JKAMP: variants seen among roughly 807,000 people sequenced by gnomAD.
JKAMP encodes the protein JNK1/MAPK8 associated membrane protein.
JKAMP carries 20 observed loss-of-function variants against 40.2 expected under a neutral mutation model. The observed-to-expected ratio is 0.50, with a 90% confidence interval of 0.35 to 0.72. The LOEUF is 0.72. Ranked by LOEUF, JKAMP falls within the 30% of genes least tolerant of loss-of-function variation. The pLI is 0.01. For synonymous variants in JKAMP, 138 were observed against 131.6 expected (o/e 1.05, Z -0.33); for missense variants, 276 against 373.0 (o/e 0.74, Z 2.14).
In JKAMP at chr14:59,486,717, C is replaced by G. The variant is rs1259546422; in HGVS notation, c.9C>G (p.Val3=). The change falls in exon 2 of 7, where the codon GTC becomes GTG. Residue 3 remains valine, a synonymous_variant. Transcript: ENST00000616435. ...CTGGCATTTGTTTTTAAAAAGCTGT[C>G]GATATTCAACCAGCATGCCTTGGAC... MA[V]DIQPACLGLY... The G allele has an allele frequency of 6.3e-7, 1 of 1,580,090 alleles. No individual in the cohort carries two copies. The highest frequency in any genetic ancestry group is 1.2e-5 in the South Asian group (1 of 86,100).
rs1892265127 is a variant in JKAMP, at chr14:59,505,232, C to G, written c.*1160C>G. ...TCTTTTGAATTCACAGCAGTTGTATCCTTGAGTTACTTTGTTAATGTATTT... is the reference window on the plus strand; with the variant it reads ...TCTTTTGAATTCACAGCAGTTGTATGCTTGAGTTACTTTGTTAATGTATTT... On this transcript the variant is annotated 3_prime_UTR_variant, in exon 7 of 7. Transcript: ENST00000616435. The G allele has an allele frequency of 4.9e-6, 7 of 1,438,356 alleles. No homozygotes were observed. The African/African-American group carries it at 5.7e-5, about 12-fold the overall frequency. 89.1% of individuals were successfully genotyped at this position (1,438,356 alleles called of 1,614,324 possible).
At chr14:59,486,127 G>A (rs1414811232) in intron 1 of JKAMP, among the ~76,000 whole-genome samples, 1 of 152,140 alleles carries the variant, frequency 6.6e-6, no homozygotes, top group African/African-American at 2.4e-5. Flanking sequence ...TTGGCCCAGT[G>A]ACAGCCTTGA....
Position 59,484,953 on chromosome 14 carries a change from C to G in JKAMP, c.4+360C>G, listed in dbSNP as rs1367296058. The G allele has an allele frequency of 1.8e-5, 27 of 1,513,308 alleles. 1 individual carries two copies. The East Asian group carries it at 6.2e-4, about 35-fold the overall frequency. The allele number at this position is 1,513,308 out of a possible 1,614,324, so 93.7% of individuals were successfully genotyped here. A position where few individuals can be genotyped will look rare whatever the true frequency, so the allele number is the denominator to read the frequency against. On this transcript the variant is annotated intron_variant, in intron 1 of 6. Transcript: ENST00000616435. ...AAAACAGTAAAGCAGAAGCAAGTTGCTGCATAATTTGTCTACTGCTTCAAC... is the reference window on the plus strand; with the variant it reads ...AAAACAGTAAAGCAGAAGCAAGTTGGTGCATAATTTGTCTACTGCTTCAAC...
At chr14:59,503,797 G>T (rs1374504373) in intron 6 of JKAMP, 57 bp from the exon 7 acceptor site, 1 of 1,023,584 alleles carries the variant, frequency 9.8e-7, no homozygotes, top group Non-Finnish European at 1.5e-6. Context: ...AAATTACCCA[G>T]CTGACTTAGC....
chr14:59,492,797 A>AT (rs61117183), intron 3 of JKAMP, among the ~76,000 whole-genome samples: 5,856 of 131,962 alleles, frequency 0.044, 177 homozygotes, highest in Non-Finnish European at 0.064. Flanking sequence ...GAGAGCTGCT[A>AT]TTTTTTTTTT....
At chr14:59,502,992 C>T (rs1028331819) in intron 6 of JKAMP, among the ~76,000 whole-genome samples, 1 of 151,810 alleles carries the variant, frequency 6.6e-6, no homozygotes, top group Non-Finnish European at 1.5e-5. Flanking sequence ...TCATAACCCA[C>T]CCACCTCGGC....
At chr14:59,499,150 A>C (rs990122651) in intron 5 of JKAMP, among the ~76,000 whole-genome samples, 3 of 149,184 alleles carry the variant, frequency 2.0e-5, no homozygotes, top group African/African-American at 7.5e-5. Flanking sequence ...CAGCCTCCCA[A>C]GTAGCTGGGA....
intron 3 of JKAMP, among the ~76,000 whole-genome samples, chr14:59,494,495 CT>C (rs1891285065): frequency 6.6e-6 from 1 of 152,120 alleles, no homozygotes; most frequent in South Asian, 2.1e-4. Flanking sequence ...ATAAGCAAAA[CT>C]AACCAGAATA....
intron 3 of JKAMP, among the ~76,000 whole-genome samples, chr14:59,493,223 C>T (rs1469072611): frequency 6.6e-6 from 1 of 152,182 alleles, no homozygotes; most frequent in Non-Finnish European, 1.5e-5. Context: ...CACCTGCATG[C>T]ATCATAATTA....
In JKAMP at chr14:59,484,772, C is replaced by T. The variant is rs188578431; in HGVS notation, c.4+179C>T. ...TCCTGCGGGGTTGGGGTGGTCTGTC[C>T]GCAACGGGCTACTAGGGGAGGCGCG... On this transcript the variant is annotated intron_variant, in intron 1 of 6. Coordinates refer to ENST00000616435, the MANE Select transcript of JKAMP (RefSeq NM_016475.5). 1.3e-3 allele frequency: 1,278 copies of T among 947,038 alleles called. 13 individuals carry two copies. The African/African-American group carries it at 0.016, about 12-fold the overall frequency. 58.7% of individuals were successfully genotyped at this position (947,038 alleles called of 1,614,324 possible). A position where few individuals can be genotyped will look rare whatever the true frequency, so the allele number is the denominator to read the frequency against.
intron 4 of JKAMP, among the ~76,000 whole-genome samples, chr14:59,496,886 G>A (rs1489748181): frequency 1.3e-5 from 2 of 152,038 alleles, no homozygotes; most frequent in South Asian, 2.1e-4. Flanking sequence ...GTATCTTATA[G>A]CATTGGGTTT....
At chr14:59,500,447 G>A (rs1891790470) in intron 5 of JKAMP, among the ~76,000 whole-genome samples, 1 of 152,138 alleles carries the variant, frequency 6.6e-6, no homozygotes, top group Non-Finnish European at 1.5e-5. Context: ...AACATTTTAA[G>A]AGAAAAGTGG....
At chr14:59,486,851 C>A in intron 2 of JKAMP, 47 bp downstream of exon 2, 1 of 1,245,288 alleles carries the variant, frequency 8.0e-7, no homozygotes, top group Non-Finnish European at 1.1e-6. Flanking sequence ...AATCTATTTG[C>A]TTTTGAAATA....
At chr14:59,494,257 C>A (rs1200970396) in intron 3 of JKAMP, among the ~76,000 whole-genome samples, 3 of 151,770 alleles carry the variant, frequency 2.0e-5, no homozygotes, top group African/African-American at 7.3e-5. Context: ...AAAGGCTTCA[C>A]AAAGAAAGTG....
chr14:59,487,723 G>A lies in JKAMP; in HGVS notation c.146G>A (p.Cys49Tyr). 1 of 1,613,316 alleles carries A rather than the reference G, an allele frequency of 6.2e-7. No homozygotes were observed. The highest frequency in any genetic ancestry group is 1.1e-5 in the South Asian group (1 of 91,072). Residue 49 changes from cysteine to tyrosine, a missense_variant, in exon 3 of 7, where the codon TGC becomes TAC. By Grantham distance (194) the Cys-to-Tyr change is radical. Transcript: ENST00000616435. ...RTNAQKYCQP[C>Y]TESPELYDWL... Reference sequence around the variant, plus strand: ...AATGCACAGAAATATTGTCAGCCTTGCACAGAATCTCCTGAACTTTATGAT... The same window carrying A: ...AATGCACAGAAATATTGTCAGCCTTACACAGAATCTCCTGAACTTTATGAT...
chr14:59,487,329 T>G (rs951929538), intron 2 of JKAMP: 1 of 163,086 alleles, frequency 6.1e-6, no homozygotes, highest in African/African-American at 2.4e-5. Context: ...AATTTCTAAT[T>G]TATGATTTGG....
intron 4 of JKAMP, among the ~76,000 whole-genome samples, chr14:59,497,837 G>A (rs2139899049): frequency 6.6e-6 from 1 of 152,286 alleles, no homozygotes; most frequent in East Asian, 1.9e-4. Flanking sequence ...TGTGTGGGGA[G>A]GAAGCATGTG....
intron 4 of JKAMP, among the ~76,000 whole-genome samples, chr14:59,498,133 A>T (rs35493594): frequency 0.026 from 4,016 of 152,302 alleles, 80 homozygotes; most frequent in Non-Finnish European, 0.043. Context: ...CTGTTCCTTG[A>T]GATGATTCTG....
Position 59,495,219 on chromosome 14 carries a change from C to T in JKAMP, c.453C>T (p.Tyr151=), listed in dbSNP as rs1200775184. 3 of 1,600,718 alleles carry T rather than the reference C, an allele frequency of 1.9e-6. No homozygotes were observed. The highest frequency in any genetic ancestry group is 2.6e-6 in the Non-Finnish European group (3 of 1,168,354). ...TTVHCTHEAV[Y]PLYTIVFIYY... is the part of the protein sequence containing the mutation. ...TACACTGTACTCATGAAGCCGTCTACCCACTGTAAGTGTTTATTTCGACTT... is the reference window on the plus strand; with the variant it reads ...TACACTGTACTCATGAAGCCGTCTATCCACTGTAAGTGTTTATTTCGACTT... The change falls in exon 4 of 7, where the codon TAC becomes TAT. Residue 151 remains tyrosine (Y), a synonymous_variant. Coordinates refer to ENST00000616435, the MANE Select transcript of JKAMP (RefSeq NM_016475.5).
Sources: allele counts gnomAD v4.1 joint callset (sites outside exome capture counted in the v4.1 genomes callset), GRCh38; gene constraint gnomAD v4.1.1; transcripts MANE v1.5; gene names NCBI Gene and HGNC (gene_info 2026-07-23, HGNC 2026-07-21).